The following RAB3C variants were observed in gnomAD, a reference collection of about 807,000 sequenced individuals.
RAB3C encodes the protein RAB3C, member RAS oncogene family.
In RAB3C, 17 loss-of-function variants were observed where a neutral mutation model predicts 26.4. That is an observed-to-expected ratio of 0.64 (90% CI 0.44 to 0.97). The LOEUF (loss-of-function observed/expected upper bound fraction) is 0.97. Ranked by LOEUF, RAB3C falls within the 50% of genes least tolerant of loss-of-function variation. The probability of loss-of-function intolerance (pLI) is 0.00; values close to 1 mark genes in which losing one functional copy is unlikely to be tolerated. For synonymous variants in RAB3C, 91 were observed against 95.9 expected, an observed-to-expected ratio of 0.95 and a Z score of 0.30; for missense variants, 242 against 281.9, an observed-to-expected ratio of 0.86 and a Z score of 1.01.
intron 4 of RAB3C, among the ~76,000 whole-genome samples, chr5:58,847,380 T>A (rs16888696): frequency 0.018 from 2,746 of 152,294 alleles, 91 homozygotes; most frequent in African/African-American, 0.062. Context: ...TCTTCAAAGT[T>A]ATAAGACTCT....
chr5:58,823,102 C>A lies in RAB3C; in HGVS notation c.372-1936C>A, dbSNP rs757706409. The A allele has an allele frequency of 1.0e-3, 491 of 480,812 alleles. 2 individuals carry two copies. The highest frequency in any genetic ancestry group is 1.6e-3 in the Non-Finnish European group (402 of 249,576). 29.8% of individuals were successfully genotyped at this position (480,812 alleles called of 1,614,324 possible). ...TTAATGCAGAAGCGCATGGGAAACA[C>A]ATCATGGGTCAGAATGATGCAGATT... is the stretch of plus-strand genomic sequence containing the variant. On this transcript the variant is annotated intron_variant, in intron 3 of 4. Transcript: ENST00000282878.
At chr5:58,627,456 A>G (rs1747078927) in intron 2 of RAB3C, among the ~76,000 whole-genome samples, 1 of 72,086 alleles carries the variant, frequency 1.4e-5, no homozygotes, top group African/African-American at 6.0e-5. Flanking sequence ...TGGGCGACAG[A>G]GCGAGACTCC....
intron 2 of RAB3C, among the ~76,000 whole-genome samples, chr5:58,633,745 G>T (rs758063993): frequency 3.9e-5 from 6 of 152,134 alleles, no homozygotes; most frequent in Non-Finnish European, 8.8e-5. Flanking sequence ...GCCCACAGGA[G>T]ATCTCAGTAC....
At chr5:58,725,938 A>G (rs1490201979) in intron 2 of RAB3C, 64 bp from the exon 3 acceptor site, 5 of 927,642 alleles carry the variant, frequency 5.4e-6, no homozygotes, top group Non-Finnish European at 8.2e-6. Context: ...TGGAATTATT[A>G]ATCACTTCCC....
intron 3 of RAB3C, among the ~76,000 whole-genome samples, chr5:58,806,580 T>C (rs1742944021): frequency 6.6e-6 from 1 of 152,204 alleles, no homozygotes; most frequent in Non-Finnish European, 1.5e-5. Flanking sequence ...TGTGACACTA[T>C]GGACGTTTGT....
At chr5:58,812,800 A>C (rs1743121013) in intron 3 of RAB3C, among the ~76,000 whole-genome samples, 1 of 152,238 alleles carries the variant, frequency 6.6e-6, no homozygotes, top group South Asian at 2.1e-4. Context: ...TCAGTTTACC[A>C]GTAATATTAA....
At chr5:58,689,068 G>A (rs1015341201) in intron 2 of RAB3C, among the ~76,000 whole-genome samples, 1 of 152,006 alleles carries the variant, frequency 6.6e-6, no homozygotes, top group African/African-American at 2.4e-5. Flanking sequence ...TGAAGTTGAT[G>A]CCATTTTTAT....
intron 2 of RAB3C, among the ~76,000 whole-genome samples, chr5:58,677,083 T>C (rs1748245605): frequency 1.3e-5 from 2 of 152,164 alleles, no homozygotes; most frequent in Non-Finnish European, 2.9e-5. Context: ...CCTCCTCGCT[T>C]CTGTTATTCT....
intron 2 of RAB3C, among the ~76,000 whole-genome samples, chr5:58,673,936 T>A (rs1416130444): frequency 6.6e-6 from 1 of 152,162 alleles, no homozygotes; most frequent in Non-Finnish European, 1.5e-5. Flanking sequence ...GAGAAATATA[T>A]GTCATATATA....
At chr5:58,693,362 A>ATATAT (rs1748620721) in intron 2 of RAB3C, among the ~76,000 whole-genome samples, 14 of 143,720 alleles carry the variant, frequency 9.7e-5, no homozygotes, top group African/African-American at 3.7e-4. Flanking sequence ...ATATATATAT[A>ATATAT]AAATTTCTTA....
At chr5:58,783,397 T>C (rs1742311151) in intron 3 of RAB3C, among the ~76,000 whole-genome samples, 3 of 152,190 alleles carry the variant, frequency 2.0e-5, no homozygotes, top group Admixed American at 2.0e-4. Flanking sequence ...AAAGACAACA[T>C]GTGTGTATCA....
intron 3 of RAB3C, among the ~76,000 whole-genome samples, chr5:58,751,639 T>A (rs2111962782): frequency 6.6e-6 from 1 of 152,370 alleles, no homozygotes; most frequent in South Asian, 2.1e-4. Flanking sequence ...AAAGTCCATT[T>A]TTTGAAAGTA....
chr5:58,618,644 CA>C (rs35315895), intron 2 of RAB3C, among the ~76,000 whole-genome samples: 35,043 of 151,712 alleles, frequency 0.23, 4,188 homozygotes, highest in Admixed American at 0.31. Flanking sequence ...AGGTCCAAGG[CA>C]ATATAAAAGA....
At chr5:58,586,391 G>A (rs1343569114) in intron 1 of RAB3C, among the ~76,000 whole-genome samples, 1 of 152,012 alleles carries the variant, frequency 6.6e-6, no homozygotes, top group African/African-American at 2.4e-5. Flanking sequence ...AATTGGTGGT[G>A]TAAAGAATGA....
intron 2 of RAB3C, among the ~76,000 whole-genome samples, chr5:58,681,834 A>G (rs1235807115): frequency 6.6e-6 from 1 of 152,198 alleles, no homozygotes; most frequent in Non-Finnish European, 1.5e-5. Context: ...TCATCTGACC[A>G]TTCTTTTAGA....
chr5:58,595,564 G>A (rs1302858188), intron 1 of RAB3C, among the ~76,000 whole-genome samples: 2 of 152,092 alleles, frequency 1.3e-5, no homozygotes, highest in African/African-American at 4.8e-5. Context: ...ATGAACGTTT[G>A]TTAATCCAGT....
At chr5:58,803,513 A>G (rs148583996) in intron 3 of RAB3C, among the ~76,000 whole-genome samples, 2 of 152,342 alleles carry the variant, frequency 1.3e-5, no homozygotes, top group East Asian at 3.9e-4. Flanking sequence ...AACCAGCTCT[A>G]TGTCTGTAAA....
At chr5:58,802,558 G>C (rs1742834720) in intron 3 of RAB3C, among the ~76,000 whole-genome samples, 1 of 152,188 alleles carries the variant, frequency 6.6e-6, no homozygotes, top group Non-Finnish European at 1.5e-5. Context: ...TTAGAAGTAG[G>C]TATTTAATTA....
intron 1 of RAB3C, chr5:58,617,423 C>T: frequency 1.4e-6 from 1 of 736,988 alleles, no homozygotes; most frequent in Admixed American, 1.8e-5. Flanking sequence ...ACCAACACAG[C>T]TGGAAAGGCC....
Sources: gnomAD v4.1 joint callset for allele counts (sites outside exome capture counted in the v4.1 genomes callset) on GRCh38, gnomAD v4.1.1 for gene constraint, MANE v1.5 for transcripts, NCBI Gene and HGNC (gene_info 2026-07-23, HGNC 2026-07-21) for gene names.